ELL2: variants seen among roughly 807,000 people sequenced by gnomAD.
ELL2 encodes RNA polymerase II elongation factor ELL2.
ELL2 carries 21 observed loss-of-function variants against 72.8 expected under a neutral mutation model. That is an observed-to-expected ratio of 0.29 (90% CI 0.20 to 0.42). ELL2 has a LOEUF of 0.42. Ranked by LOEUF, ELL2 falls within the 10% of genes least tolerant of loss-of-function variation. The probability of loss-of-function intolerance (pLI) is 1.00; values close to 1 mark genes in which losing one functional copy is unlikely to be tolerated. For synonymous variants in ELL2, 266 were observed against 283.2 expected (o/e 0.94, Z 0.61); for missense variants, 568 against 772.8 (o/e 0.73, Z 3.14).
At chr5:95,929,361 C>T (rs1032699824) in intron 2 of ELL2, among the ~76,000 whole-genome samples, 22 of 150,846 alleles carry the variant, frequency 1.5e-4, no homozygotes, top group African/African-American at 3.2e-4. Context: ...TGGGTTCAAG[C>T]GATTCTCCTG....
At chr5:95,953,765 T>C (rs1341160995) in intron 1 of ELL2, among the ~76,000 whole-genome samples, 3 of 152,230 alleles carry the variant, frequency 2.0e-5, no homozygotes, top group African/African-American at 7.2e-5. Flanking sequence ...TGTGAGGTAA[T>C]TGAAAGCACT....
At chr5:95,893,222 C>G (rs1167651659) in intron 9 of ELL2, among the ~76,000 whole-genome samples, 2 of 152,072 alleles carry the variant, frequency 1.3e-5, no homozygotes, top group Non-Finnish European at 2.9e-5. Flanking sequence ...AGTTGTCCTA[C>G]TTTTACGAAA....
chr5:95,926,803 C>T (rs903379734), intron 2 of ELL2, among the ~76,000 whole-genome samples: 1 of 152,148 alleles, frequency 6.6e-6, no homozygotes, highest in African/African-American at 2.4e-5. Context: ...GAGAAAATAT[C>T]ATCGACGGCA....
intron 2 of ELL2, among the ~76,000 whole-genome samples, chr5:95,940,347 C>T (rs752327068): frequency 6.6e-6 from 1 of 152,126 alleles, no homozygotes; most frequent in African/African-American, 2.4e-5. Flanking sequence ...TAGAAGAAAA[C>T]TTCAACCTAA....
Position 95,889,119 on chromosome 5 carries a change from T to C in ELL2, c.1773A>G (p.Glu591=), listed in dbSNP as rs1442675561. The C allele has an allele frequency of 1.2e-6, 2 of 1,608,060 alleles. No homozygotes were observed. The highest frequency in any genetic ancestry group is 8.5e-7 in the Non-Finnish European group (1 of 1,176,232). The change falls in exon 11 of 12, where the codon GAA becomes GAG. Residue 591 remains glutamate (E), a synonymous_variant. Coordinates refer to ENST00000237853, the MANE Select transcript of ELL2 (RefSeq NM_012081.6). ...TCTTCTGATATTCTTGTAAGACTTC[T>C]TCATGAACATTCTACAAAATTAAAT... The part of the protein sequence containing the change: ...PGSKEYQNVH[E]EVLQEYQKIK...
Position 95,927,450 on chromosome 5 carries a change from TACAC to T in ELL2, c.196-7909_196-7906del, listed in dbSNP as rs752935134. ...ACACACACACGTGTGTATATAGACA[TACAC>T]ACACACGTGTGTATATAGACATACA... On this transcript the variant is annotated intron_variant, in intron 2 of 11. Coordinates refer to ENST00000237853, the MANE Select transcript of ELL2 (RefSeq NM_012081.6). Among the ~76,000 whole-genome samples the T allele has an allele frequency of 8.7e-5, 2 of 22,944 alleles. 1 individual carries two copies. The highest frequency in any genetic ancestry group is 6.8e-4 in the Admixed American group (2 of 2,944). The allele number at this position is 22,944 out of a possible 152,430, so 15.1% of individuals were successfully genotyped here.
rs1561504440 is a variant in ELL2, at chr5:95,927,454, CACACACGTGTGTATATAGACAT to C, written c.196-7931_196-7910del. 2.2e-4 allele frequency among the ~76,000 whole-genome samples: 10 copies of C among 46,086 alleles called. 2 individuals carry two copies. Among genetic ancestry groups the C allele is most frequent in the African/African-American group, 8.1e-4 (4 of 4,948 alleles). 30.2% of individuals were successfully genotyped at this position (46,086 alleles called of 152,430 possible). On this transcript the variant is annotated intron_variant, in intron 2 of 11. Transcript: ENST00000237853. Reference sequence around the variant, plus strand: ...ACACACGTGTGTATATAGACATACACACACACGTGTGTATATAGACATACACACACGTGTGTATATAGACATA... The same window carrying C: ...ACACACGTGTGTATATAGACATACACACACACACGTGTGTATATAGACATA...
intron 2 of ELL2, among the ~76,000 whole-genome samples, chr5:95,932,173 AT>A (rs1482839667): frequency 6.6e-6 from 1 of 152,172 alleles, no homozygotes; most frequent in African/African-American, 2.4e-5. Context: ...CTTCAAGCCT[AT>A]AAAGAAAATA....
At position 95,916,480 on chromosome 5, in the gene ELL2, T is replaced by C. The variant is rs192672816; in HGVS notation, c.318-2546A>G. On this transcript the variant is annotated intron_variant, in intron 3 of 11. Coordinates refer to ENST00000237853, the MANE Select transcript of ELL2 (RefSeq NM_012081.6). ...AGGAAACCAGAAGAGTACTGTGTAA[T>C]GTAAGCCACTGGAACAGACGCTTCA... Among the ~76,000 whole-genome samples the C allele has an allele frequency of 9.2e-5, 14 of 152,208 alleles. No individual in the cohort carries two copies. In the East Asian group the frequency reaches 2.3e-3, roughly 25 times the overall value.
At chr5:95,932,562 A>G (rs1185850955) in intron 2 of ELL2, 8 of 152,194 alleles carry the variant, frequency 5.3e-5, no homozygotes, top group African/African-American at 1.9e-4. Flanking sequence ...ACCACATACC[A>G]CAGAGTCCCT....
At chr5:95,899,324 T>C (rs558618955) in intron 7 of ELL2, among the ~76,000 whole-genome samples, 6 of 152,378 alleles carry the variant, frequency 3.9e-5, no homozygotes, top group East Asian at 1.9e-4. Flanking sequence ...TAATCTTTAA[T>C]GGGCTAAAAT....
chr5:95,914,056 T>C, intron 3 of ELL2, 122 bp from the exon 4 acceptor site: 1 of 775,062 alleles, frequency 1.3e-6, no homozygotes, highest in Non-Finnish European at 1.8e-6. Context: ...AAATAACTAA[T>C]ATTAATTTTT....
In ELL2 at chr5:95,945,519, T is replaced by C. The variant is rs145437136; in HGVS notation, c.148-2470A>G. Among the ~76,000 whole-genome samples, 110 of 152,322 alleles carry C rather than the reference T, an allele frequency of 7.2e-4. 1 individual carries two copies. Among genetic ancestry groups the C allele is most frequent in the African/African-American group, 2.6e-3 (108 of 41,566 alleles). ...TCCACACACATCTGTTAATGGGGTATTCAAGAGTGTGGGGGCATAATCCCT... is the reference window on the plus strand; with the variant it reads ...TCCACACACATCTGTTAATGGGGTACTCAAGAGTGTGGGGGCATAATCCCT... On this transcript the variant is annotated intron_variant, in intron 1 of 11. Transcript: ENST00000237853.
chr5:95,899,411 T>C (rs1749040095), intron 7 of ELL2, among the ~76,000 whole-genome samples: 1 of 152,190 alleles, frequency 6.6e-6, no homozygotes. Context: ...ACTTTCAGAA[T>C]AGTTTCTCTA....
At chr5:95,891,696 G>A (rs946686284) in intron 9 of ELL2, among the ~76,000 whole-genome samples, 20 of 152,220 alleles carry the variant, frequency 1.3e-4, no homozygotes, top group Non-Finnish European at 1.2e-4. Context: ...CACGCAGTCC[G>A]TGAGTGCTGA....
intron 1 of ELL2, among the ~76,000 whole-genome samples, chr5:95,954,777 T>C (rs992795812): frequency 1.3e-5 from 2 of 151,844 alleles, no homozygotes; most frequent in African/African-American, 4.8e-5. Flanking sequence ...ATTCATCTCC[T>C]ACCTCTCCCA....
chr5:95,954,735 C>T (rs1021390655), intron 1 of ELL2, among the ~76,000 whole-genome samples: 2 of 151,534 alleles, frequency 1.3e-5, no homozygotes, highest in African/African-American at 2.4e-5. Context: ...CCACTGCGCC[C>T]GGCCAATATC....
intron 8 of ELL2, among the ~76,000 whole-genome samples, chr5:95,896,847 G>A (rs967546): frequency 0.31 from 47,604 of 151,924 alleles, 7,868 homozygotes; most frequent in African/African-American, 0.43. Flanking sequence ...GAACTCTGAT[G>A]TAGATCTCAA....
intron 2 of ELL2, among the ~76,000 whole-genome samples, chr5:95,934,071 C>T (rs966843523): frequency 1.3e-5 from 2 of 152,116 alleles, no homozygotes; most frequent in Non-Finnish European, 2.9e-5. Context: ...AATCTGAAAA[C>T]TGACTTATAA....
Sources: allele counts gnomAD v4.1 joint callset (sites outside exome capture counted in the v4.1 genomes callset), GRCh38; gene constraint gnomAD v4.1.1; transcripts MANE v1.5; gene names NCBI Gene and HGNC (gene_info 2026-07-23, HGNC 2026-07-21).